PPP1R21: variants seen among roughly 807,000 people sequenced by gnomAD.
PPP1R21 encodes protein phosphatase 1 regulatory subunit 21.
In PPP1R21, 85 loss-of-function variants were observed where a neutral mutation model predicts 112.8. The observed-to-expected ratio is 0.75, with a 90% CI of 0.63 to 0.90. The LOEUF (loss-of-function observed/expected upper bound fraction) is 0.90. Ranked by LOEUF, PPP1R21 falls within the 40% of genes least tolerant of loss-of-function variation. The probability of loss-of-function intolerance (pLI) is 0.00; values close to 1 mark genes in which losing one functional copy is unlikely to be tolerated. For synonymous variants in PPP1R21, 381 were observed against 322.3 expected (o/e 1.18, Z -1.95); for missense variants, 1,199 against 901.5 (o/e 1.33, Z -4.23).
At chr2:48,497,942 T>C (rs1300320016) in intron 16 of PPP1R21, among the ~76,000 whole-genome samples, 3 of 152,036 alleles carry the variant, frequency 2.0e-5, no homozygotes, top group African/African-American at 7.2e-5. Context: ...TGAGCCACCG[T>C]GCCTGGCCTG....
At position 48,461,182 on chromosome 2, in the gene PPP1R21, T is replaced by G. The variant is rs749795216; in HGVS notation, c.644T>G (p.Leu215Ter). 1 of 1,585,140 alleles carries G rather than the reference T, an allele frequency of 6.3e-7. No homozygotes were observed. ...CTTCATGAAGATTTGTCAGGTAGATTAGAGGAATCCTTATCAATCATCAAT... is the reference window on the plus strand; with the variant it reads ...CTTCATGAAGATTTGTCAGGTAGATGAGAGGAATCCTTATCAATCATCAAT... Reference protein sequence around the residue: ...KTLHEDLSGRLEESLSIINEK... With the variant: ...KTLHEDLSGR Residue 215 changes from leucine to a stop codon, truncating the protein, a stop_gained, in exon 7 of 22, where the codon TTA (leucine) becomes TGA (stop). Transcript: ENST00000294952. LOFTEE classifies it high-confidence loss of function.
At chr2:48,498,963 G>C (rs556926950) in intron 17 of PPP1R21, among the ~76,000 whole-genome samples, 2 of 152,236 alleles carry the variant, frequency 1.3e-5, no homozygotes, top group South Asian at 4.2e-4. Flanking sequence ...CTGTTTCCTG[G>C]TTCATAGACA....
At chr2:48,463,232 T>C (rs1572844841) in intron 7 of PPP1R21, among the ~76,000 whole-genome samples, 1 of 152,068 alleles carries the variant, frequency 6.6e-6, no homozygotes, top group African/African-American at 2.4e-5. Flanking sequence ...GGGTCCTTGG[T>C]GAGTTCTCCA....
chr2:48,441,157 C>A, intron 1 of PPP1R21, 147 bp downstream of exon 1: 1 of 660,548 alleles, frequency 1.5e-6, no homozygotes, highest in Non-Finnish European at 2.7e-6. Flanking sequence ...TCCACCATTA[C>A]GGTGCCTCCA....
At position 48,507,284 on chromosome 2, in the gene PPP1R21, T is replaced by C; in HGVS notation, c.1984T>C (p.Ser662Pro). ...TSDSEVPDVE[S>P]REDLIKNHYM... is the part of the protein sequence containing the mutation. ...TTCTATTTAGGTTCCAGATGTGGAATCTCGTGAAGACTTAATTAAAAATCA... is the reference window on the plus strand; with the variant it reads ...TTCTATTTAGGTTCCAGATGTGGAACCTCGTGAAGACTTAATTAAAAATCA... Residue 662 changes from serine (S) to proline (P), a missense_variant, in exon 19 of 22, where the codon TCT becomes CCT. Transcript: ENST00000294952. The C allele has an allele frequency of 2.6e-6, 4 of 1,554,718 alleles. No individual in the cohort carries two copies. Among genetic ancestry groups the C allele is most frequent in the Non-Finnish European group, 3.5e-6 (4 of 1,157,970 alleles).
At chr2:48,479,365 A>T (rs1668900991) in intron 12 of PPP1R21, 1 of 406,556 alleles carries the variant, frequency 2.5e-6, no homozygotes, top group African/African-American at 2.1e-5. Context: ...TAAATACCGT[A>T]GCCTCTCACT....
chr2:48,494,311 C>G (rs1484467732), intron 15 of PPP1R21, among the ~76,000 whole-genome samples: 1 of 147,590 alleles, frequency 6.8e-6, no homozygotes, highest in Non-Finnish European at 1.5e-5. Flanking sequence ...TGTGCCTAAC[C>G]TACCAACCAT....
chr2:48,511,472 T>C lies in PPP1R21; in HGVS notation c.2313+4T>C. On this transcript the variant is annotated splice_donor_region_variant and intron_variant, in intron 21 of 21. Transcript: ENST00000294952. Reference sequence around the variant, plus strand: ...CACACTAAAGATGTCCAGTAAGGTATGTGAGGTGAGGTGAGGTAGTCTCTC... The same window carrying C: ...CACACTAAAGATGTCCAGTAAGGTACGTGAGGTGAGGTGAGGTAGTCTCTC... The C allele has an allele frequency of 1.2e-6, 2 of 1,611,822 alleles. No homozygotes were observed. The highest frequency in any genetic ancestry group is 1.7e-6 in the Non-Finnish European group (2 of 1,179,420).
At chr2:48,452,375 C>T (rs553052472) in intron 2 of PPP1R21, among the ~76,000 whole-genome samples, 2 of 151,964 alleles carry the variant, frequency 1.3e-5, no homozygotes, top group Non-Finnish European at 2.9e-5. Flanking sequence ...CACAACAACC[C>T]GATGAGGTCA....
intron 7 of PPP1R21, among the ~76,000 whole-genome samples, chr2:48,461,820 T>G (rs1572843306): frequency 1.3e-5 from 2 of 152,232 alleles, no homozygotes. Context: ...CTTGTTTGGA[T>G]TTTGAAACTT....
Position 48,459,790 on chromosome 2 carries a change from G to A in PPP1R21, c.412G>A (p.Ala138Thr), listed in dbSNP as rs1667894682. The A allele has an allele frequency of 6.2e-7, 1 of 1,613,940 alleles. No individual in the cohort carries two copies. The highest frequency in any genetic ancestry group is 1.3e-5 in the African/African-American group (1 of 75,008). ...TGATGAGCAGCACAAGCATGTGGAAGCAGAGCTGAGGAGTCGACTGGCCAC... is the reference window on the plus strand; with the variant it reads ...TGATGAGCAGCACAAGCATGTGGAAACAGAGCTGAGGAGTCGACTGGCCAC... The part of the protein sequence containing the change: ...EADEQHKHVE[A>T]ELRSRLATLE... The change falls in exon 5 of 22, where the codon GCA becomes ACA. Residue 138 changes from alanine to threonine, a missense_variant. Coordinates refer to ENST00000294952, the MANE Select transcript of PPP1R21 (RefSeq NM_001135629.3).
At chr2:48,500,263 A>G (rs1670048185) in intron 17 of PPP1R21, among the ~76,000 whole-genome samples, 2 of 152,154 alleles carry the variant, frequency 1.3e-5, no homozygotes, top group Non-Finnish European at 2.9e-5. Flanking sequence ...TACTTAGAGT[A>G]AGGTATCAAA....
At chr2:48,511,981 C>T (rs929296618) in intron 21 of PPP1R21, among the ~76,000 whole-genome samples, 8 of 152,144 alleles carry the variant, frequency 5.3e-5, no homozygotes, top group Admixed American at 1.3e-4. Context: ...AAAGTCTGGC[C>T]TCTAAGGCTT....
At chr2:48,512,302 C>T (rs1291178277) in intron 21 of PPP1R21, among the ~76,000 whole-genome samples, 2 of 152,130 alleles carry the variant, frequency 1.3e-5, no homozygotes, top group African/African-American at 4.8e-5. Context: ...ATTACTGTAA[C>T]AACGTATGTA....
At chr2:48,441,206 G>A (rs1437860168) in intron 1 of PPP1R21, 196 bp downstream of exon 1, 3 of 609,150 alleles carry the variant, frequency 4.9e-6, no homozygotes, top group African/African-American at 3.9e-5. Context: ...CGGTGTCTGC[G>A]TCCGTGAGCG....
intron 12 of PPP1R21, among the ~76,000 whole-genome samples, chr2:48,477,171 G>C (rs1462040101): frequency 1.4e-5 from 2 of 143,922 alleles, no homozygotes; most frequent in African/African-American, 5.1e-5. Flanking sequence ...ACCCAGTCTG[G>C]AGTGCAGTGT....
intron 9 of PPP1R21, among the ~76,000 whole-genome samples, chr2:48,470,172 C>A (rs1390553557): frequency 6.6e-6 from 1 of 152,086 alleles, no homozygotes; most frequent in East Asian, 1.9e-4. Context: ...TGAAGCTATT[C>A]TTCATACTGA....
chr2:48,511,169 C>T lies in PPP1R21; in HGVS notation c.2185-171C>T, dbSNP rs183675167. 2.0e-5 allele frequency among the ~76,000 whole-genome samples: 3 copies of T among 152,258 alleles called. No homozygotes were observed. In the East Asian group the frequency reaches 5.8e-4, roughly 29 times the overall value. The stretch of plus-strand genomic sequence containing the variant: ...GAGGTCCACCACCTCAAACATTTAT[C>T]TTTGTGTTGGGAACATAATAATTCT... On this transcript the variant is annotated intron_variant, in intron 20 of 21. Transcript: ENST00000294952.
intron 17 of PPP1R21, among the ~76,000 whole-genome samples, chr2:48,500,507 A>T (rs1257904609): frequency 6.6e-6 from 1 of 152,174 alleles, no homozygotes; most frequent in Non-Finnish European, 1.5e-5. Context: ...CAAGAATTAA[A>T]ATTTTTAGAA....
Sources: gnomAD v4.1 joint callset for allele counts (sites outside exome capture counted in the v4.1 genomes callset) on GRCh38, gnomAD v4.1.1 for gene constraint, MANE v1.5 for transcripts, NCBI Gene and HGNC (gene_info 2026-07-23, HGNC 2026-07-21) for gene names.